CSGALNACT1: variants seen among roughly 807,000 people sequenced by gnomAD.
The protein encoded by CSGALNACT1 is chondroitin sulfate N-acetylgalactosaminyltransferase 1.
In CSGALNACT1, 52 loss-of-function variants were observed where a neutral mutation model predicts 51.0. The ratio of observed to expected loss-of-function variants is 1.02; its 90% CI spans 0.82 to 1.29. The LOEUF is 1.29. CSGALNACT1 is among the 50% of genes most tolerant of loss of function. The pLI is 0.00. For synonymous variants in CSGALNACT1, 341 were observed against 254.4 expected (o/e 1.34, Z -3.24); for missense variants, 935 against 679.2 (o/e 1.38, Z -4.19).
intron 3 of CSGALNACT1, among the ~76,000 whole-genome samples, chr8:19,577,105 G>C (rs537960019): frequency 1.3e-4 from 20 of 152,174 alleles, no homozygotes; most frequent in African/African-American, 4.6e-4. Context: ...CACAAAGAAA[G>C]AAGATCTCCT....
intron 1 of CSGALNACT1, among the ~76,000 whole-genome samples, chr8:19,612,921 CAAAAG>C (rs1234678124): frequency 1.1e-4 from 6 of 56,114 alleles, no homozygotes; most frequent in African/African-American, 3.9e-4. Context: ...TCCTTTATCA[CAAAAG>C]AAGAGAGGAA....
intron 3 of CSGALNACT1, among the ~76,000 whole-genome samples, chr8:19,573,417 AAG>A (rs1298045026): frequency 1.3e-5 from 2 of 152,226 alleles, no homozygotes. Context: ...TTAGTTGACT[AAG>A]AGTCACTTAA....
At chr8:19,533,041 C>G (rs2083079610) in intron 3 of CSGALNACT1, among the ~76,000 whole-genome samples, 1 of 152,204 alleles carries the variant, frequency 6.6e-6, no homozygotes, top group African/African-American at 2.4e-5. Flanking sequence ...TATTAAATGT[C>G]AAACTTTTCA....
At chr8:19,609,884 C>T (rs1025438651) in intron 1 of CSGALNACT1, among the ~76,000 whole-genome samples, 3 of 151,952 alleles carry the variant, frequency 2.0e-5, no homozygotes, top group African/African-American at 7.3e-5. Context: ...CTAAATGATA[C>T]GGAAAGGACG....
At chr8:19,432,667 T>C (rs1325972336) in intron 6 of CSGALNACT1, among the ~76,000 whole-genome samples, 1 of 152,134 alleles carries the variant, frequency 6.6e-6, no homozygotes, top group African/African-American at 2.4e-5. Context: ...ATCTTGAAGT[T>C]TGCCAATTAT....
rs558595312 is a variant in CSGALNACT1 at position 19,688,521 on chromosome 8, C to T, written c.-297+69329G>A. Among the ~76,000 whole-genome samples, 8 of 152,308 alleles carry T rather than the reference C, an allele frequency of 5.3e-5. 1 individual carries two copies. In the East Asian group the frequency reaches 1.5e-3, roughly 29 times the overall value. The stretch of plus-strand genomic sequence containing the variant: ...TTAACCAGTGCCCATTGTATATGTG[C>T]TGTGCCAGGAGCCCTGCACTTAAAA... On this transcript the variant is annotated intron_variant, in intron 1 of 1. Coordinates refer to the CSGALNACT1 transcript ENST00000517494.
intron 1 of CSGALNACT1, among the ~76,000 whole-genome samples, chr8:19,755,513 C>T (rs1354784853): frequency 1.5e-5 from 2 of 136,882 alleles, no homozygotes; most frequent in Admixed American, 7.8e-5. Flanking sequence ...ACTGTGTGCT[C>T]GGGGCACTAG....
At chr8:19,571,748 T>C (rs866652480) in intron 3 of CSGALNACT1, among the ~76,000 whole-genome samples, 2 of 152,224 alleles carry the variant, frequency 1.3e-5, no homozygotes, top group Admixed American at 6.5e-5. Context: ...CCACTGACTT[T>C]TCAGAGCTTT....
intron 1 of CSGALNACT1, among the ~76,000 whole-genome samples, chr8:19,741,631 G>A (rs2064327134): frequency 6.6e-6 from 1 of 151,022 alleles, no homozygotes; most frequent in East Asian, 1.9e-4. Context: ...CAGTCTACTC[G>A]GCTAGACCAA....
intron 4 of CSGALNACT1, among the ~76,000 whole-genome samples, chr8:19,494,254 C>G (rs145316093): frequency 1.3e-5 from 2 of 152,260 alleles, no homozygotes; most frequent in African/African-American, 4.8e-5. Context: ...GTGCATACCT[C>G]CATGTTTTGC....
intron 1 of CSGALNACT1, among the ~76,000 whole-genome samples, chr8:19,633,802 A>T (rs2055624306): frequency 6.6e-6 from 1 of 152,204 alleles, no homozygotes; most frequent in African/African-American, 2.4e-5. Flanking sequence ...ACTGATACAC[A>T]TGCCTTGGTT....
chr8:19,576,848 TC>T (rs976927379), intron 3 of CSGALNACT1, among the ~76,000 whole-genome samples: 9 of 152,108 alleles, frequency 5.9e-5, no homozygotes, highest in Non-Finnish European at 1.3e-4. Flanking sequence ...CTGACTTGTT[TC>T]CTGTGCAACT....
intron 1 of CSGALNACT1, among the ~76,000 whole-genome samples, chr8:19,679,818 T>C (rs1231712171): frequency 1.3e-5 from 2 of 152,094 alleles, no homozygotes; most frequent in Non-Finnish European, 2.9e-5. Context: ...CGGCAACACT[T>C]TACCTGCGGC....
intron 1 of CSGALNACT1, among the ~76,000 whole-genome samples, chr8:19,615,233 G>T (rs1313443965): frequency 1.3e-5 from 2 of 152,166 alleles, no homozygotes; most frequent in African/African-American, 4.8e-5. Flanking sequence ...AACCCGGGAG[G>T]CAGAGGTTGC....
At chr8:19,440,614 T>G (rs532431035) in intron 5 of CSGALNACT1, among the ~76,000 whole-genome samples, 1 of 152,130 alleles carries the variant, frequency 6.6e-6, no homozygotes, top group South Asian at 2.1e-4. Context: ...CAATATCATA[T>G]TGAATGGGCA....
At chr8:19,690,881 G>A (rs2061273384) in intron 1 of CSGALNACT1, among the ~76,000 whole-genome samples, 1 of 152,206 alleles carries the variant, frequency 6.6e-6, no homozygotes, top group South Asian at 2.1e-4. Context: ...ACGACTCTGT[G>A]AAGGTCACTG....
chr8:19,601,712 T>A (rs539169961), intron 2 of CSGALNACT1, 59 bp downstream of exon 2: 1 of 410,324 alleles, frequency 2.4e-6, no homozygotes, highest in African/African-American at 2.1e-5. Context: ...ACATCCAGAA[T>A]ATTGAACACA....
exon 2 of CSGALNACT1, chr8:19,601,855 T>C (rs1321252855): frequency 1.1e-5 from 5 of 453,916 alleles, no homozygotes; most frequent in Non-Finnish European, 2.2e-5. Context: ...TTCCTTGAAA[T>C]AGGAAGGCAG....
intron 6 of CSGALNACT1, among the ~76,000 whole-genome samples, chr8:19,425,331 A>G (rs1463250694): frequency 6.6e-6 from 1 of 152,204 alleles, no homozygotes; most frequent in Non-Finnish European, 1.5e-5. Flanking sequence ...ACAGAGCTAC[A>G]TTCCATCTCA....
Sources: allele counts gnomAD v4.1 joint callset (sites outside exome capture counted in the v4.1 genomes callset), GRCh38; gene constraint gnomAD v4.1.1; transcripts MANE v1.5; gene names NCBI Gene and HGNC (gene_info 2026-07-23, HGNC 2026-07-21).